The following PCID2 variants were observed in gnomAD, a reference collection of about 807,000 sequenced individuals.
PCID2 encodes PCI domain containing 2, also known as PCI domain-containing protein 2.
PCID2 carries 41 observed loss-of-function variants against 61.3 expected under a neutral mutation model. That is an observed-to-expected ratio of 0.67 (90% CI 0.52 to 0.87). The LOEUF (loss-of-function observed/expected upper bound fraction) is 0.87, where lower values mean the gene tolerates loss of function less well. PCID2 is among the 40% of genes least tolerant of loss of function. The pLI is 0.00. For missense variants in PCID2, 392 were observed against 493.4 expected (o/e 0.79, Z 1.95); for synonymous variants, 187 against 177.8 (o/e 1.05, Z -0.41).
At chr13:113,167,442 A>G in the PCID2 span, among the ~76,000 whole-genome samples, 2 of 152,188 alleles carry the variant, frequency 1.3e-5, no homozygotes, top group African/African-American at 4.8e-5. Context: ...AACACTTAAC[A>G]CTTCCAGAGC....
In PCID2 at chr13:113,185,094, C is replaced by A. The variant is rs1160597220; in HGVS notation, c.543+391G>T. Among the ~76,000 whole-genome samples, 7 of 152,258 alleles carry A rather than the reference C, an allele frequency of 4.6e-5. No homozygotes were observed. The East Asian group carries it at 1.3e-3, about 29-fold the overall frequency. The stretch of plus-strand genomic sequence containing the variant: ...GACTGACTTTATGTGGCAATGGTTT[C>A]TTTATCCATCTATCCATCTACGTGC... On this transcript the variant is annotated intron_variant, in intron 8 of 13. Coordinates refer to ENST00000337344, the MANE Select transcript of PCID2 (RefSeq NM_001127202.4).
chr13:113,189,324 G>A (rs1414522567), intron 7 of PCID2, among the ~76,000 whole-genome samples: 4 of 151,362 alleles, frequency 2.6e-5, no homozygotes, highest in Non-Finnish European at 5.9e-5. Flanking sequence ...CCAGCCTCAG[G>A]TATTCCCCTC....
Position 113,190,934 on chromosome 13 carries a change from C to G in PCID2, c.405G>C (p.Gly135=), listed in dbSNP as rs61743295. 2.8e-5 allele frequency: 45 copies of G among 1,613,446 alleles called. No individual in the cohort carries two copies. The highest frequency in any genetic ancestry group is 3.7e-5 in the Non-Finnish European group (44 of 1,179,698). Residue 135 remains glycine, a synonymous_variant, in exon 7 of 14, where the codon GGG becomes GGC. Transcript: ENST00000337344. ...ACTCTGCTGCTTTTTCCAACATGTC[C>G]CCAACTTTGCTTTTTCCTTTCTTTA... is the stretch of plus-strand genomic sequence containing the variant. ...QLVKKGKSKV[G]DMLEKAAELL... is the part of the protein sequence containing the mutation.
At chr13:113,175,529 A>T (rs1271724234), downstream of PCID2, among the ~76,000 whole-genome samples, 2 of 152,142 alleles carry the variant, frequency 1.3e-5, no homozygotes, top group Non-Finnish European at 2.9e-5. Context: ...AGATTTCCGT[A>T]CCCAACACTG....
At position 113,197,997 on chromosome 13, in the gene PCID2, T is replaced by C. The variant is rs185006837; in HGVS notation, c.200+194A>G. On this transcript the variant is annotated intron_variant, in intron 3 of 13. Coordinates refer to ENST00000337344, the MANE Select transcript of PCID2 (RefSeq NM_001127202.4). ...AGGCACTCTGCTAAATACTGTGTGA[T>C]GTTAAAAATAGTATTATATAACTGA... 1.2e-3 allele frequency among the ~76,000 whole-genome samples: 184 copies of C among 152,234 alleles called. 2 individuals carry two copies. Among genetic ancestry groups the C allele is most frequent in the Non-Finnish European group, 1.3e-4 (9 of 68,042 alleles).
intron 9 of PCID2, chr13:113,183,993 C>T (rs552730588): frequency 1.0e-6 from 1 of 985,306 alleles, no homozygotes; most frequent in East Asian, 1.1e-4. Context: ...TAAATGTTGT[C>T]CTAATCTCCA....
intron 13 of PCID2, 120 bp from the exon 14 acceptor site, chr13:113,178,407 C>T: frequency 3.0e-6 from 2 of 664,666 alleles, no homozygotes; most frequent in Admixed American, 5.1e-5. Flanking sequence ...CAGTTCAGTT[C>T]AGCGGGAAGA....
chr13:113,172,695 C>T (rs566906678), downstream of PCID2, among the ~76,000 whole-genome samples: 28 of 152,306 alleles, frequency 1.8e-4, no homozygotes, highest in African/African-American at 5.8e-4. Context: ...GGCACGCCGG[C>T]GTCTCACGGG....
chr13:113,182,269 T>A (rs1256974449), intron 9 of PCID2, among the ~76,000 whole-genome samples: 1 of 152,042 alleles, frequency 6.6e-6, no homozygotes, highest in Non-Finnish European at 1.5e-5. Flanking sequence ...ACAAAAAACA[T>A]CCAGTCTTGC....
chr13:113,175,792 C>T (rs7321768), downstream of PCID2, among the ~76,000 whole-genome samples: 10,850 of 152,262 alleles, frequency 0.071, 448 homozygotes, highest in Middle Eastern at 0.15. Flanking sequence ...TGGCAGTCCA[C>T]GGCTGGAATC....
At chr13:113,165,633 C>T in the PCID2 span, among the ~76,000 whole-genome samples, 3 of 152,212 alleles carry the variant, frequency 2.0e-5, no homozygotes, top group African/African-American at 4.8e-5. Context: ...TGGGCACAAG[C>T]GCTTTCCCTG....
chr13:113,182,886 A>G (rs372551680), intron 9 of PCID2, among the ~76,000 whole-genome samples: 8 of 152,334 alleles, frequency 5.3e-5, no homozygotes, highest in African/African-American at 9.6e-5. Context: ...TTTCGGTTGG[A>G]GTCAAAAATA....
Position 113,190,999 on chromosome 13 carries a change from T to C in PCID2, c.364-24A>G, listed in dbSNP as rs1018827940. On this transcript the variant is annotated intron_variant, in intron 6 of 13. Transcript: ENST00000337344. ...GCCTAATAAAATATAAGAACTTTTA[T>C]TTCATTTTTCCGAAGCAAGATCTTG... The C allele has an allele frequency of 4.5e-6, 7 of 1,557,420 alleles. No homozygotes were observed. The African/African-American group carries it at 9.5e-5, about 21-fold the overall frequency.
chr13:113,172,318 T>C, the PCID2 span: 2 of 615,498 alleles, frequency 3.2e-6, no homozygotes, highest in Admixed American at 5.8e-5. Flanking sequence ...TTTATCTCAA[T>C]AGAGACCTTA....
At chr13:113,200,132 C>T (rs1183919055) in intron 2 of PCID2, among the ~76,000 whole-genome samples, 2 of 152,138 alleles carry the variant, frequency 1.3e-5, no homozygotes, top group East Asian at 1.9e-4. Context: ...TGGGGACGCA[C>T]AGGCCTAGAC....
intron 1 of PCID2, chr13:113,200,774 G>A (rs895732353): frequency 2.0e-5 from 6 of 305,220 alleles, no homozygotes; most frequent in Non-Finnish European, 3.1e-5. Flanking sequence ...TGGCGCAATC[G>A]TAAACAATAA....
intron 8 of PCID2, 63 bp downstream of exon 8, chr13:113,185,420 GAT>G: frequency 9.4e-7 from 1 of 1,061,488 alleles, no homozygotes; most frequent in East Asian, 2.4e-5. Flanking sequence ...ATATATATAT[GAT>G]ATGTGGGAAG....
At position 113,200,370 on chromosome 13, in the gene PCID2, A is replaced by C. The variant is rs181567214; in HGVS notation, c.126+57T>G. On this transcript the variant is annotated intron_variant, in intron 2 of 13. Transcript: ENST00000337344. ...ACTCAAACTCTACGCTTCTCTTAGG[A>C]AAGTGGTTACCCTGTAATTGTCTGC... The C allele has an allele frequency of 2.2e-3, 2,151 of 980,462 alleles. 5 individuals carry two copies. The highest frequency in any genetic ancestry group is 9.2e-3 in the Middle Eastern group (44 of 4,762). 60.7% of individuals were successfully genotyped at this position (980,462 alleles called of 1,614,324 possible). A position where few individuals can be genotyped will look rare whatever the true frequency, so the allele number is the denominator to read the frequency against.
chr13:113,176,866 G>A (rs111854623), downstream of PCID2, among the ~76,000 whole-genome samples: 6 of 152,254 alleles, frequency 3.9e-5, 1 homozygote, highest in African/African-American at 1.4e-4. Flanking sequence ...CTCCCCAGAA[G>A]CCGACCGTGC....
Sources: allele counts gnomAD v4.1 joint callset (sites outside exome capture counted in the v4.1 genomes callset), GRCh38; gene constraint gnomAD v4.1.1; transcripts MANE v1.5; gene names NCBI Gene and HGNC (gene_info 2026-07-23, HGNC 2026-07-21).